The following IGSF21 variants were observed in gnomAD, a reference collection of about 807,000 sequenced individuals.
IGSF21 encodes the protein immunoglobulin superfamily member 21.
In IGSF21, 28 loss-of-function variants were observed where a neutral mutation model predicts 46.8. That is an observed-to-expected ratio of 0.60 (90% CI 0.44 to 0.82). The LOEUF (loss-of-function observed/expected upper bound fraction) is 0.82. IGSF21 is among the 40% of genes least tolerant of loss of function. IGSF21 has a pLI of 0.00. For missense variants in IGSF21, 624 were observed against 665.5 expected (o/e 0.94, Z 0.69); for synonymous variants, 284 against 273.6 (o/e 1.04, Z -0.38).
In IGSF21 at chr1:18,322,007, TG is replaced by T. The variant is rs1362685978; in HGVS notation, c.306-12884del. 6.6e-6 allele frequency among the ~76,000 whole-genome samples: 1 copy of T among 152,222 alleles called. No homozygotes were observed. Among genetic ancestry groups the T allele is most frequent in the Non-Finnish European group, 1.5e-5 (1 of 68,034 alleles). ...AGATGGGGAAACTGAGGCATTAACT[TG>T]TCCCAGATCACTCAACTACAGCATG... is the stretch of plus-strand genomic sequence containing the variant. On this transcript the variant is annotated intron_variant, in intron 3 of 9. Transcript: ENST00000251296. The surrounding 1 kb of genome is among the most constrained non-coding windows in gnomAD (Gnocchi z 4.3).
At chr1:18,276,653 T>C (rs78322641) in intron 2 of IGSF21, among the ~76,000 whole-genome samples, 4,722 of 152,212 alleles carry the variant, frequency 0.031, 236 homozygotes, top group African/African-American at 0.11. Flanking sequence ...CATCACCTTC[T>C]TCATTTGCTG....
intron 4 of IGSF21, among the ~76,000 whole-genome samples, chr1:18,355,551 G>A (rs536414462): frequency 5.9e-5 from 9 of 152,008 alleles, no homozygotes; most frequent in African/African-American, 1.9e-4. Flanking sequence ...TACCTTTCCC[G>A]ATGCTAGAAA....
chr1:18,145,459 G>A (rs12130107), intron 1 of IGSF21, among the ~76,000 whole-genome samples: 32,431 of 151,838 alleles, frequency 0.21, 3,737 homozygotes, highest in Middle Eastern at 0.34. Context: ...GTGCCCGAGA[G>A]CCCCCAGCCC....
At chr1:18,377,510 T>C (rs2086296815) in intron 9 of IGSF21, 79 bp downstream of exon 9, 5 of 1,140,856 alleles carry the variant, frequency 4.4e-6, no homozygotes, top group Non-Finnish European at 6.7e-6. Flanking sequence ...CCCCCAAACT[T>C]CCCATATGCA....
rs150890233 is a variant in IGSF21 at position 18,372,314 on chromosome 1, G to C, written c.1016-3996G>C. ...AAATATTCAGGAAATATAAGCTACT[G>C]TTATTATTCATCATAGTATCCCCAA... On this transcript the variant is annotated intron_variant, in intron 6 of 9. Transcript: ENST00000251296. Among the ~76,000 whole-genome samples the C allele has an allele frequency of 1.4e-3, 211 of 152,342 alleles. 2 individuals are homozygous for C. Among genetic ancestry groups the C allele is most frequent in the African/African-American group, 4.9e-3 (202 of 41,580 alleles).
chr1:18,192,703 C>T (rs2086969925), intron 1 of IGSF21, among the ~76,000 whole-genome samples: 1 of 152,070 alleles, frequency 6.6e-6, no homozygotes, highest in South Asian at 2.1e-4. Flanking sequence ...TGGCATCGTT[C>T]CCCTGCAATG....
intron 3 of IGSF21, among the ~76,000 whole-genome samples, chr1:18,308,890 G>A (rs1473288294): frequency 1.3e-5 from 2 of 152,252 alleles, no homozygotes; most frequent in East Asian, 3.9e-4. Flanking sequence ...GCTAGATCAG[G>A]GCAGTGGGGC....
intron 5 of IGSF21, among the ~76,000 whole-genome samples, chr1:18,363,486 G>A (rs1202360894): frequency 1.5e-5 from 1 of 66,412 alleles, no homozygotes; most frequent in African/African-American, 5.3e-5. Flanking sequence ...GGGATGCAGA[G>A]ATACAGGTGA....
intron 2 of IGSF21, among the ~76,000 whole-genome samples, chr1:18,260,137 C>T (rs566014282): frequency 3.3e-5 from 5 of 152,220 alleles, no homozygotes; most frequent in Non-Finnish European, 5.9e-5. Context: ...CTTTCCTCCT[C>T]ATGGCTGGAG....
chr1:18,143,560 C>T (rs979247363), intron 1 of IGSF21, among the ~76,000 whole-genome samples: 5 of 152,152 alleles, frequency 3.3e-5, no homozygotes, highest in African/African-American at 7.2e-5. Flanking sequence ...ACACCACAGA[C>T]GCCTTGTGGG....
At chr1:18,378,093 G>A (rs1187450733) in intron 9 of IGSF21, among the ~76,000 whole-genome samples, 163 bp from the exon 10 acceptor site, 1 of 152,208 alleles carries the variant, frequency 6.6e-6, no homozygotes, top group Non-Finnish European at 1.5e-5. Context: ...TGGTAGGGGA[G>A]GAGATCATGG....
chr1:18,157,123 A>G (rs1465814282), intron 1 of IGSF21, among the ~76,000 whole-genome samples: 1 of 151,892 alleles, frequency 6.6e-6, no homozygotes, highest in Non-Finnish European at 1.5e-5. Flanking sequence ...GGGAGACTCC[A>G]CCTCAAAAAA....
intron 2 of IGSF21, among the ~76,000 whole-genome samples, chr1:18,250,499 C>CCGT (rs2124526562): frequency 6.6e-6 from 1 of 152,272 alleles, no homozygotes; most frequent in Admixed American, 6.5e-5. Context: ...GGCCACCCAC[C>CCGT]CGTCACCCAT....
At chr1:18,202,228 A>G (rs1006078725) in intron 1 of IGSF21, among the ~76,000 whole-genome samples, 1 of 152,186 alleles carries the variant, frequency 6.6e-6, no homozygotes, top group African/African-American at 2.4e-5. Flanking sequence ...ATAGTCCTCC[A>G]TGTATTCAAA....
chr1:18,133,496 C>T lies in IGSF21; in HGVS notation c.70+25298C>T, dbSNP rs544846084. Among the ~76,000 whole-genome samples, 9 of 152,366 alleles carry T rather than the reference C, an allele frequency of 5.9e-5. No individual in the cohort carries two copies. The South Asian group carries it at 1.5e-3, about 25-fold the overall frequency. On this transcript the variant is annotated intron_variant, in intron 1 of 9. Coordinates refer to ENST00000251296, the MANE Select transcript of IGSF21 (RefSeq NM_032880.5). Reference sequence around the variant, plus strand: ...TGCGGCTGTAATTTACCCTTCATGGCATTGTCCAGTGGGATCATCTGAGCA... The same window carrying T: ...TGCGGCTGTAATTTACCCTTCATGGTATTGTCCAGTGGGATCATCTGAGCA...
At chr1:18,267,607 A>G (rs1359009682) in intron 2 of IGSF21, among the ~76,000 whole-genome samples, 1 of 152,230 alleles carries the variant, frequency 6.6e-6, no homozygotes, top group Non-Finnish European at 1.5e-5. Context: ...AAAGGGGAGC[A>G]TGGAGGAAGC....
At chr1:18,278,182 A>G (rs907444760) in intron 2 of IGSF21, among the ~76,000 whole-genome samples, 17 of 152,014 alleles carry the variant, frequency 1.1e-4, no homozygotes, top group Admixed American at 1.0e-3. Context: ...GGGGGGAGAT[A>G]TGATAAAGCA....
intron 1 of IGSF21, among the ~76,000 whole-genome samples, chr1:18,201,731 G>A (rs539871321): frequency 3.8e-4 from 58 of 152,196 alleles, no homozygotes; most frequent in African/African-American, 1.2e-3. Context: ...GGGTCTGTCC[G>A]TTACTGGCAT....
intron 1 of IGSF21, among the ~76,000 whole-genome samples, chr1:18,172,732 T>G (rs1243850522): frequency 6.6e-6 from 1 of 152,204 alleles, no homozygotes; most frequent in Non-Finnish European, 1.5e-5. Flanking sequence ...CTTCAACATA[T>G]GAACTTGGGA....
Sources: gnomAD v4.1 joint callset for allele counts (sites outside exome capture counted in the v4.1 genomes callset) on GRCh38, gnomAD v4.1.1 for gene constraint, Gnocchi (gnomAD v3.1) non-coding constraint, MANE v1.5 for transcripts, NCBI Gene and HGNC (gene_info 2026-07-23, HGNC 2026-07-21) for gene names.